Variants in GALNTL6 observed in about 807,000 individuals in gnomAD.
GALNTL6 encodes the protein polypeptide N-acetylgalactosaminyltransferase-like 6.
A neutral mutation model predicts 73.7 loss-of-function variants in GALNTL6; 46 were observed. That is an observed-to-expected ratio of 0.62 (90% CI 0.49 to 0.80). GALNTL6 has a LOEUF of 0.80. GALNTL6 is among the 30% of genes least tolerant of loss of function. The probability of loss-of-function intolerance (pLI) is 0.00; values close to 1 mark genes in which losing one functional copy is unlikely to be tolerated. For missense variants in GALNTL6, 604 were observed against 755.0 expected (o/e 0.80, Z 2.34); for synonymous variants, 259 against 263.7 (o/e 0.98, Z 0.17).
At chr4:171,919,466 G>A (rs1463948917) in intron 2 of GALNTL6, among the ~76,000 whole-genome samples, 1 of 152,054 alleles carries the variant, frequency 6.6e-6, no homozygotes, top group Non-Finnish European at 1.5e-5. Context: ...TAGAGCCCCA[G>A]TACCAGAGCT....
At chr4:172,465,148 T>C (rs554573419) in intron 5 of GALNTL6, among the ~76,000 whole-genome samples, 89 of 152,326 alleles carry the variant, frequency 5.8e-4, no homozygotes, top group African/African-American at 1.8e-3. Flanking sequence ...TGCATGGGTC[T>C]TTCAATATCT....
intron 5 of GALNTL6, chr4:172,425,459 A>G (rs1731193898): frequency 6.6e-6 from 1 of 152,054 alleles, no homozygotes; most frequent in Non-Finnish European, 1.5e-5. Flanking sequence ...TATGGAGAGG[A>G]ATTTTATTGA....
intron 2 of GALNTL6, among the ~76,000 whole-genome samples, chr4:172,000,057 G>A (rs1250944936): frequency 6.6e-6 from 1 of 152,120 alleles, no homozygotes; most frequent in Non-Finnish European, 1.5e-5. Flanking sequence ...AGCATATACG[G>A]AGTATGAGTG....
chr4:172,936,831 A>T (rs73002071), intron 9 of GALNTL6, among the ~76,000 whole-genome samples: 8,637 of 152,176 alleles, frequency 0.057, 609 homozygotes, highest in African/African-American at 0.16. Flanking sequence ...ATAAAAGCCA[A>T]ATTGTACAGG....
intron 2 of GALNTL6, among the ~76,000 whole-genome samples, chr4:172,053,826 A>T (rs1730945893): frequency 6.6e-6 from 1 of 152,036 alleles, no homozygotes; most frequent in African/African-American, 2.4e-5. Context: ...TGGGTCCCCT[A>T]GCGAAGGAGG....
chr4:172,319,291 T>C (rs1463743879), intron 4 of GALNTL6, among the ~76,000 whole-genome samples: 1 of 152,206 alleles, frequency 6.6e-6, no homozygotes, highest in Non-Finnish European at 1.5e-5. Flanking sequence ...GGCCAAAGGA[T>C]AATCTGTAAA....
intron 8 of GALNTL6, among the ~76,000 whole-genome samples, chr4:172,909,714 A>G (rs1378620905): frequency 6.6e-6 from 1 of 152,144 alleles, no homozygotes; most frequent in Admixed American, 6.5e-5. Flanking sequence ...AGTTGGAACA[A>G]TTAGAAAATA....
At chr4:172,941,837 C>G (rs1353388567) in intron 9 of GALNTL6, among the ~76,000 whole-genome samples, 1 of 152,256 alleles carries the variant, frequency 6.6e-6, no homozygotes, top group Non-Finnish European at 1.5e-5. Context: ...AATCCCACGT[C>G]TAAGCCATGG....
intron 2 of GALNTL6, among the ~76,000 whole-genome samples, chr4:172,054,987 GA>G (rs1276092739): frequency 7.2e-5 from 11 of 152,116 alleles, no homozygotes; most frequent in African/African-American, 2.4e-4. Flanking sequence ...GGAACCAAGA[GA>G]CAGCCAAACC....
At chr4:172,327,775 C>T (rs1740993532) in intron 4 of GALNTL6, among the ~76,000 whole-genome samples, 1 of 151,904 alleles carries the variant, frequency 6.6e-6, no homozygotes, top group African/African-American at 2.4e-5. Context: ...TATTTTGAGC[C>T]TATGGATATC....
chr4:172,326,087 G>A (rs2111172179), intron 4 of GALNTL6, among the ~76,000 whole-genome samples: 1 of 151,852 alleles, frequency 6.6e-6, no homozygotes, highest in Non-Finnish European at 1.5e-5. Context: ...CCAACACATA[G>A]TTTAATAATT....
At chr4:171,974,581 C>G (rs1174433921) in intron 2 of GALNTL6, among the ~76,000 whole-genome samples, 1 of 152,084 alleles carries the variant, frequency 6.6e-6, no homozygotes, top group Non-Finnish European at 1.5e-5. Context: ...CTATTCATTT[C>G]TCAATTTTAT....
At chr4:172,050,186 C>T (rs1482577862) in intron 2 of GALNTL6, among the ~76,000 whole-genome samples, 1 of 152,198 alleles carries the variant, frequency 6.6e-6, no homozygotes, top group South Asian at 2.1e-4. Context: ...CTGGCGTAGG[C>T]TCACCGGGCC....
At chr4:172,329,361 A>G (rs1049484286) in intron 4 of GALNTL6, among the ~76,000 whole-genome samples, 1 of 152,230 alleles carries the variant, frequency 6.6e-6, no homozygotes, top group Admixed American at 6.5e-5. Flanking sequence ...TCAGGGAACC[A>G]TGTTACAAAC....
At chr4:172,411,627 A>G (rs1050606048) in intron 5 of GALNTL6, among the ~76,000 whole-genome samples, 7 of 151,916 alleles carry the variant, frequency 4.6e-5, no homozygotes, top group African/African-American at 1.2e-4. Flanking sequence ...AAAAAAAAAA[A>G]GTACAGCACA....
chr4:172,178,805 C>A (rs1384264060), intron 2 of GALNTL6, among the ~76,000 whole-genome samples: 53 of 100,674 alleles, frequency 5.3e-4, no homozygotes, highest in Admixed American at 1.1e-3. Flanking sequence ...TCCCTCCCCC[C>A]TCCCCCCACC....
intron 5 of GALNTL6, among the ~76,000 whole-genome samples, chr4:172,640,959 A>G (rs546716289): frequency 2.0e-5 from 3 of 152,114 alleles, no homozygotes; most frequent in South Asian, 2.1e-4. Flanking sequence ...CCCCACAGCC[A>G]TCTCTGTCTT....
chr4:172,085,851 T>A (rs959252306), intron 2 of GALNTL6, among the ~76,000 whole-genome samples: 4 of 152,168 alleles, frequency 2.6e-5, no homozygotes, highest in African/African-American at 9.6e-5. Context: ...TATAATTTTT[T>A]AATTTTGTGC....
intron 5 of GALNTL6, among the ~76,000 whole-genome samples, chr4:172,493,363 G>A (rs1037612254): frequency 2.0e-5 from 3 of 152,022 alleles, no homozygotes; most frequent in East Asian, 1.9e-4. Flanking sequence ...TTGGAACTTC[G>A]GCTAAGGAAA....
Sources: gnomAD v4.1 joint callset for allele counts (sites outside exome capture counted in the v4.1 genomes callset) on GRCh38, gnomAD v4.1.1 for gene constraint, MANE v1.5 for transcripts, NCBI Gene and HGNC (gene_info 2026-07-23, HGNC 2026-07-21) for gene names.